FGF12: variants seen among roughly 807,000 people sequenced by gnomAD.
FGF12 encodes fibroblast growth factor 12.
Under a neutral mutation model 23.6 loss-of-function variants are expected in FGF12, and 14 were observed. The observed-to-expected ratio is 0.59, with a 90% confidence interval of 0.39 to 0.93. FGF12 has a LOEUF of 0.93. Ranked by LOEUF, FGF12 falls within the 40% of genes least tolerant of loss-of-function variation. FGF12 has a pLI of 0.00. For synonymous variants in FGF12, 62 were observed against 77.3 expected (o/e 0.80, Z 1.04); for missense variants, 175 against 217.8 (o/e 0.80, Z 1.24).
At chr3:192,348,171 G>A (rs923819) in intron 3 of FGF12, among the ~76,000 whole-genome samples, 99,164 of 152,036 alleles carry the variant, frequency 0.65, 35,106 homozygotes, top group East Asian at 0.94. Flanking sequence ...AAATTCAACT[G>A]TAATACTGTG....
intron 4 of FGF12, among the ~76,000 whole-genome samples, chr3:192,313,727 T>C (rs1359807663): frequency 6.6e-6 from 1 of 152,200 alleles, no homozygotes. Flanking sequence ...AAAGATAATA[T>C]GCAATCTAAT....
At chr3:192,258,923 T>C (rs541871346) in intron 4 of FGF12, among the ~76,000 whole-genome samples, 4 of 152,336 alleles carry the variant, frequency 2.6e-5, no homozygotes, top group South Asian at 4.1e-4. Context: ...GTATGTGTGA[T>C]GTGTGTGTTT....
At position 192,420,880 on chromosome 3, in the gene FGF12, C is replaced by A. The variant is rs142653281; in HGVS notation, c.14-60342G>T. ...ACACTCACAGCTCATCATATAGTAT[C>A]TTTGATTTCATTTGTCAGGAAGAAA... On this transcript the variant is annotated intron_variant, in intron 2 of 5. Coordinates refer to ENST00000445105, the MANE Select transcript of FGF12 (RefSeq NM_004113.6). Among the ~76,000 whole-genome samples, 399 of 152,194 alleles carry A rather than the reference C, an allele frequency of 2.6e-3. 1 individual carries two copies. Among genetic ancestry groups the A allele is most frequent in the African/African-American group, 9.2e-3 (380 of 41,506 alleles).
intron 3 of FGF12, 107 bp from the exon 4 acceptor site, chr3:192,335,571 G>C (rs1335866959): frequency 1.4e-6 from 1 of 701,932 alleles, no homozygotes; most frequent in African/African-American, 1.8e-5. Flanking sequence ...GAACTTGGTA[G>C]AAAAATGGAG....
intron 2 of FGF12, chr3:192,516,778 C>T (rs1372549383): frequency 1.3e-5 from 2 of 152,170 alleles, no homozygotes; most frequent in African/African-American, 4.8e-5. Context: ...CTTTAAGCTC[C>T]AAGGTCCTTG....
intron 2 of FGF12, among the ~76,000 whole-genome samples, chr3:192,425,100 T>C (rs755876267): frequency 2.1e-4 from 32 of 152,112 alleles, no homozygotes; most frequent in Middle Eastern, 3.2e-3. Context: ...ACCAAAGCAT[T>C]TATGTGCTTT....
rs1553845519 is a variant in FGF12 at position 192,167,769 on chromosome 3, A to ATATATATATATAT, written c.427+2688_427+2689insATATATATATATA. Among the ~76,000 whole-genome samples, 119 of 38,806 alleles carry ATATATATATATAT rather than the reference A, an allele frequency of 3.1e-3. 5 individuals carry two copies. Among genetic ancestry groups the ATATATATATATAT allele is most frequent in the South Asian group, 8.4e-3 (6 of 718 alleles). The allele number at this position is 38,806 out of a possible 152,430, so 25.5% of individuals were successfully genotyped here. A position where few individuals can be genotyped will look rare whatever the true frequency, so the allele number is the denominator to read the frequency against. On this transcript the variant is annotated intron_variant, in intron 5 of 5. Coordinates refer to ENST00000445105, the MANE Select transcript of FGF12 (RefSeq NM_004113.6). ...TATATATATATATATATATATATAT[A>ATATATATATATAT]AAATTTTTTTTTTTTTTTTTTTTTG...
chr3:192,321,108 A>G (rs1192765304), intron 4 of FGF12, among the ~76,000 whole-genome samples: 4 of 152,110 alleles, frequency 2.6e-5, no homozygotes, highest in African/African-American at 9.7e-5. Context: ...AAGTAAAATC[A>G]GAGACAAAAA....
intron 2 of FGF12, among the ~76,000 whole-genome samples, chr3:192,563,954 G>T (rs1712153845): frequency 1.3e-5 from 2 of 152,138 alleles, no homozygotes; most frequent in Non-Finnish European, 2.9e-5. Flanking sequence ...ATTACCATTT[G>T]GTATGCCTAC....
chr3:192,260,770 CAG>C (rs1712696702), intron 4 of FGF12, among the ~76,000 whole-genome samples: 1 of 152,092 alleles, frequency 6.6e-6, no homozygotes, highest in South Asian at 2.1e-4. Context: ...TGGAAAGACA[CAG>C]AGGACAGGGG....
intron 2 of FGF12, among the ~76,000 whole-genome samples, chr3:192,556,602 T>C (rs73887630): frequency 2.0e-3 from 303 of 152,244 alleles, no homozygotes; most frequent in African/African-American, 7.0e-3. Context: ...CTTTCAATAA[T>C]GGACCAAACA....
chr3:192,343,329 T>A (rs1717790608), intron 3 of FGF12, among the ~76,000 whole-genome samples: 1 of 152,176 alleles, frequency 6.6e-6, no homozygotes, highest in Admixed American at 6.5e-5. Context: ...CATCTCAAAA[T>A]GTTCTCAATC....
At chr3:192,668,053 C>T (rs1716960786) in intron 2 of FGF12, among the ~76,000 whole-genome samples, 1 of 151,840 alleles carries the variant, frequency 6.6e-6, no homozygotes, top group African/African-American at 2.4e-5. Flanking sequence ...ACTAAAAACA[C>T]CTTAAATGTC....
intron 2 of FGF12, among the ~76,000 whole-genome samples, chr3:192,423,201 C>T (rs1721585241): frequency 6.6e-6 from 1 of 152,070 alleles, no homozygotes; most frequent in South Asian, 2.1e-4. Context: ...TGTTAGAGAG[C>T]CCCCTGTTGC....
intron 2 of FGF12, among the ~76,000 whole-genome samples, chr3:192,596,061 C>G (rs911326448): frequency 8.0e-6 from 1 of 125,732 alleles, no homozygotes; most frequent in Non-Finnish European, 1.7e-5. Context: ...CCACTGTACT[C>G]CAGCCTGGTG....
At chr3:192,410,403 C>A (rs1187819178) in intron 2 of FGF12, among the ~76,000 whole-genome samples, 1 of 152,140 alleles carries the variant, frequency 6.6e-6, no homozygotes, top group Admixed American at 6.5e-5. Flanking sequence ...GGGTCTGCTC[C>A]GTCCGGTCCC....
At chr3:192,466,305 T>A (rs1441284653) in intron 2 of FGF12, among the ~76,000 whole-genome samples, 2 of 152,252 alleles carry the variant, frequency 1.3e-5, no homozygotes, top group Non-Finnish European at 2.9e-5. Context: ...CACATGACGA[T>A]ATCTACTAAA....
At chr3:192,166,777 A>G (rs1304667199) in intron 5 of FGF12, among the ~76,000 whole-genome samples, 1 of 152,210 alleles carries the variant, frequency 6.6e-6, no homozygotes, top group Non-Finnish European at 1.5e-5. Context: ...CCTAAGACAA[A>G]AGATAAAGAC....
chr3:192,167,773 T>TATA lies in FGF12; in HGVS notation c.427+2684_427+2685insTAT, dbSNP rs1560175832. Among the ~76,000 whole-genome samples, 18 of 12,550 alleles carry TATA rather than the reference T, an allele frequency of 1.4e-3. 1 individual carries two copies. The highest frequency in any genetic ancestry group is 2.6e-3 in the Non-Finnish European group (12 of 4,570). The allele number at this position is 12,550 out of a possible 152,430, so 8.2% of individuals were successfully genotyped here. On this transcript the variant is annotated intron_variant, in intron 5 of 5. Coordinates refer to ENST00000445105, the MANE Select transcript of FGF12 (RefSeq NM_004113.6). The stretch of plus-strand genomic sequence containing the variant: ...TATATATATATATATATATATAAAA[T>TATA]TTTTTTTTTTTTTTTTTTTTGAGAA...
Sources: gnomAD v4.1 joint callset for allele counts (sites outside exome capture counted in the v4.1 genomes callset) on GRCh38, gnomAD v4.1.1 for gene constraint, MANE v1.5 for transcripts, NCBI Gene and HGNC (gene_info 2026-07-23, HGNC 2026-07-21) for gene names.